Variants in NEK4 observed in about 807,000 individuals in gnomAD.
NEK4 encodes the protein NIMA related kinase 4.
NEK4 carries 86 observed loss-of-function variants against 98.4 expected under a neutral mutation model. That is an observed-to-expected ratio of 0.87 (90% CI 0.73 to 1.05). The LOEUF (loss-of-function observed/expected upper bound fraction) is 1.05. Ranked by LOEUF, NEK4 falls within the 50% of genes least tolerant of loss-of-function variation. The pLI is 0.00. For synonymous variants in NEK4, 328 were observed against 342.2 expected, an observed-to-expected ratio of 0.96 and a Z score of 0.46; for missense variants, 898 against 950.3, an observed-to-expected ratio of 0.94 and a Z score of 0.72.
At chr3:52,718,807 G>C (rs982473498) in intron 15 of NEK4, among the ~76,000 whole-genome samples, 1 of 152,154 alleles carries the variant, frequency 6.6e-6, no homozygotes, top group Non-Finnish European at 1.5e-5. Context: ...AGGCTGGAGT[G>C]CAATGGCACA....
At position 52,711,885 on chromosome 3, in the gene NEK4, AAAG is replaced by A. The variant is rs1360224268; in HGVS notation, c.2434-19_2434-17del. ...GCAAACGTACCTATTTGAGAAACAAAAAGAAAATCAATCAGTATGTAGTAGGAA... is the reference window on the plus strand; with the variant it reads ...GCAAACGTACCTATTTGAGAAACAAAAAAATCAATCAGTATGTAGTAGGAA... On this transcript the variant is annotated splice_polypyrimidine_tract_variant and intron_variant, in intron 15 of 15. Transcript: ENST00000233027. 6.8e-7 allele frequency: 1 copy of A among 1,469,304 alleles called. No homozygotes were observed. Among genetic ancestry groups the A allele is most frequent in the East Asian group, 2.3e-5 (1 of 44,014 alleles). 91.0% of individuals were successfully genotyped at this position (1,469,304 alleles called of 1,614,324 possible).
intron 15 of NEK4, among the ~76,000 whole-genome samples, chr3:52,717,406 C>CAAA (rs34559317): frequency 9.6e-5 from 8 of 83,710 alleles, no homozygotes; most frequent in African/African-American, 3.0e-4. Flanking sequence ...GACTCCATCT[C>CAAA]AAAAAAAAAA....
Position 52,708,620 on chromosome 3 carries a change from C to T in NEK4, c.*3157G>A, listed in dbSNP as rs1193566760. ...TATAAAACATTTCCATCACAAAGTTCCATTTATCAGATCTTATATAGAACC... is the reference window on the plus strand; with the variant it reads ...TATAAAACATTTCCATCACAAAGTTTCATTTATCAGATCTTATATAGAACC... On this transcript the variant is annotated 3_prime_UTR_variant, in exon 16 of 16. Coordinates refer to ENST00000233027, the MANE Select transcript of NEK4 (RefSeq NM_003157.6). 6.6e-6 allele frequency: 1 copy of T among 152,068 alleles called. No homozygotes were observed. Among genetic ancestry groups the T allele is most frequent in the Non-Finnish European group, 1.5e-5 (1 of 68,020 alleles). 9.4% of individuals were successfully genotyped at this position (152,068 alleles called of 1,614,324 possible).
chr3:52,737,561 T>G (rs72960250), intron 15 of NEK4, 25 bp downstream of exon 15: 1 of 1,612,258 alleles, frequency 6.2e-7, no homozygotes, highest in Non-Finnish European at 8.5e-7. Flanking sequence ...CATAAGCATC[T>G]TGATACAGTT....
At chr3:52,715,283 C>T (rs1442526808) in intron 15 of NEK4, among the ~76,000 whole-genome samples, 2 of 152,234 alleles carry the variant, frequency 1.3e-5, no homozygotes, top group African/African-American at 4.8e-5. Flanking sequence ...AGAGGAGCTA[C>T]CCTCTGCTGA....
rs2097350088 is a variant in NEK4, at chr3:52,711,267, C to T, written c.*510G>A. The T allele has an allele frequency of 6.6e-6, 1 of 152,214 alleles. No individual in the cohort carries two copies. The highest frequency in any genetic ancestry group is 2.4e-5 in the African/African-American group (1 of 41,426). The allele number at this position is 152,214 out of a possible 1,614,324, so 9.4% of individuals were successfully genotyped here. On this transcript the variant is annotated 3_prime_UTR_variant, in exon 16 of 16. Coordinates refer to ENST00000233027, the MANE Select transcript of NEK4 (RefSeq NM_003157.6). ...ACAGCTGCTCAAGTACTAGATAGAACTTCATATTCTTTAAATCTATTTCTA... is the reference window on the plus strand; with the variant it reads ...ACAGCTGCTCAAGTACTAGATAGAATTTCATATTCTTTAAATCTATTTCTA...
chr3:52,742,699 C>T (rs1055994787), intron 12 of NEK4, among the ~76,000 whole-genome samples: 3 of 152,174 alleles, frequency 2.0e-5, no homozygotes, highest in Admixed American at 2.0e-4. Flanking sequence ...TCAAATCTGG[C>T]GACACAGATG....
At position 52,763,544 on chromosome 3, in the gene NEK4, C is replaced by T; in HGVS notation, c.747G>A (p.Arg249=). Reference sequence around the variant, plus strand: ...GCCTCAGGATGCTCCTCACAGACGGCCTTTCTTCAGGCCTTTTGCTCAGCA... The same window carrying T: ...GCCTCAGGATGCTCCTCACAGACGGTCTTTCTTCAGGCCTTTTGCTCAGCA... ...RTMLSKRPEE[R]PSVRSILRQP... is the part of the protein sequence containing the mutation. Residue 249 remains arginine, a synonymous_variant, in exon 5 of 16, where the codon AGG becomes AGA. Transcript: ENST00000233027. 1 of 1,614,110 alleles carries T rather than the reference C, an allele frequency of 6.2e-7. No individual in the cohort carries two copies. The highest frequency in any genetic ancestry group is 1.6e-4 in the Middle Eastern group (1 of 6,062).
At chr3:52,755,474 G>GA (rs927400114) in intron 6 of NEK4, among the ~76,000 whole-genome samples, 32 of 144,698 alleles carry the variant, frequency 2.2e-4, no homozygotes, top group Middle Eastern at 7.1e-3. Flanking sequence ...TCAGGGCTGT[G>GA]AAAAAAAAAC....
At chr3:52,743,287 G>C in intron 12 of NEK4, 65 bp downstream of exon 12, 1 of 1,245,646 alleles carries the variant, frequency 8.0e-7, no homozygotes, top group East Asian at 2.3e-5. Context: ...CATTTAAAAG[G>C]TTTACTGCAT....
At chr3:52,755,809 A>G (rs1039336644) in intron 6 of NEK4, among the ~76,000 whole-genome samples, 1 of 152,224 alleles carries the variant, frequency 6.6e-6, no homozygotes, top group African/African-American at 2.4e-5. Context: ...CCACATACAG[A>G]AACTGTTGGA....
At chr3:52,761,102 A>G (rs1174967041) in intron 5 of NEK4, among the ~76,000 whole-genome samples, 166 bp from the exon 6 acceptor site, 8 of 152,208 alleles carry the variant, frequency 5.3e-5, no homozygotes, top group Admixed American at 5.2e-4. Flanking sequence ...ACACCTCACC[A>G]GTAGTCTTTG....
At chr3:52,744,987 C>A (rs1458560928) in intron 10 of NEK4, among the ~76,000 whole-genome samples, 1 of 151,898 alleles carries the variant, frequency 6.6e-6, no homozygotes, top group East Asian at 2.0e-4. Context: ...CCTATCTCAG[C>A]TCACTGCAAG....
Position 52,743,374 on chromosome 3 carries a change from G to A in NEK4, c.1982C>T (p.Ser661Phe). ...EDQPLPARRL[S>F]SDCSVTQERK... ...CACCTGAGTGACGCTGCAGTCAGAG[G>A]AGAGCCGTCGGGCAGGCAAGGGCTG... Residue 661 changes from serine (S) to phenylalanine (F), a missense_variant, in exon 12 of 16, where the codon TCC becomes TTC. Physicochemically the swap from Ser to Phe is radical, Grantham distance 155. Coordinates refer to ENST00000233027, the MANE Select transcript of NEK4 (RefSeq NM_003157.6). 1 of 1,614,048 alleles carries A rather than the reference G, an allele frequency of 6.2e-7. No individual in the cohort carries two copies. The highest frequency in any genetic ancestry group is 1.3e-5 in the African/African-American group (1 of 75,056).
chr3:52,720,377 T>C (rs1032381465), intron 15 of NEK4, among the ~76,000 whole-genome samples: 2 of 152,128 alleles, frequency 1.3e-5, no homozygotes, highest in African/African-American at 4.8e-5. Flanking sequence ...AATGCCTGAA[T>C]ACTTTACAAA....
At position 52,746,069 on chromosome 3, in the gene NEK4, A is replaced by T; in HGVS notation, c.1819T>A (p.Ser607Thr). 6.2e-7 allele frequency: 1 copy of T among 1,613,384 alleles called. No individual in the cohort carries two copies. The highest frequency in any genetic ancestry group is 8.5e-7 in the Non-Finnish European group (1 of 1,179,838). Residue 607 changes from serine to threonine, a missense_variant, in exon 10 of 16, where the codon TCA becomes ACA. Transcript: ENST00000233027. Reference protein sequence around the residue: ...VSSSRSSEMSSSKDRPLSARE... With the variant: ...VSSSRSSEMSTSKDRPLSARE... ...CATATGTTCCCACAAACCTTTGATGATGACATCTCACTGCTCCTTGAACTG... is the reference window on the plus strand; with the variant it reads ...CATATGTTCCCACAAACCTTTGATGTTGACATCTCACTGCTCCTTGAACTG...
chr3:52,722,362 T>C (rs1223670139), intron 15 of NEK4, among the ~76,000 whole-genome samples: 4 of 152,118 alleles, frequency 2.6e-5, no homozygotes, highest in Non-Finnish European at 5.9e-5. Flanking sequence ...CACACCAGCA[T>C]GGCTGAGCGA....
intron 6 of NEK4, chr3:52,754,436 G>A: frequency 3.6e-6 from 2 of 561,816 alleles, no homozygotes; most frequent in Non-Finnish European, 7.1e-6. Context: ...TGAGAAAGAT[G>A]TTCAGCTTTT....
At chr3:52,748,757 A>T (rs1270165150) in intron 8 of NEK4, among the ~76,000 whole-genome samples, 1 of 152,162 alleles carries the variant, frequency 6.6e-6, no homozygotes, top group Non-Finnish European at 1.5e-5. Flanking sequence ...GAATACACTA[A>T]AAGTACTTAG....
Sources: gnomAD v4.1 joint callset for allele counts (sites outside exome capture counted in the v4.1 genomes callset) on GRCh38, gnomAD v4.1.1 for gene constraint, MANE v1.5 for transcripts, NCBI Gene and HGNC (gene_info 2026-07-23, HGNC 2026-07-21) for gene names.